VAT1: variants seen among roughly 807,000 people sequenced by gnomAD.
VAT1 encodes NADPH-dependent quinone oxidoreductase VAT1.
A neutral mutation model predicts 33.3 loss-of-function variants in VAT1; 24 were observed. That is an observed-to-expected ratio of 0.72 (90% CI 0.52 to 1.01). The LOEUF (loss-of-function observed/expected upper bound fraction) is 1.01, where lower values mean the gene tolerates loss of function less well. Ranked by LOEUF, VAT1 falls within the 50% of genes least tolerant of loss-of-function variation. VAT1 has a pLI of 0.00. For synonymous variants in VAT1, 212 were observed against 225.0 expected (o/e 0.94, Z 0.52); for missense variants, 436 against 533.7 (o/e 0.82, Z 1.80).
At chr17:43,016,787 G>A (rs561048629) in intron 4 of VAT1, among the ~76,000 whole-genome samples, 1 of 152,108 alleles carries the variant, frequency 6.6e-6, no homozygotes, top group African/African-American at 2.4e-5. Flanking sequence ...GGAAGCCAAG[G>A]TGGGGGGATC....
Position 43,017,903 on chromosome 17 carries a change from C to T in VAT1, c.794G>A (p.Gly265Asp), listed in dbSNP as rs1263931198. 6.2e-7 allele frequency: 1 copy of T among 1,614,100 alleles called. No homozygotes were observed. The highest frequency in any genetic ancestry group is 8.5e-7 in the Non-Finnish European group (1 of 1,180,050). ...GTAGCCCTTGGCAGTATCTGACCCA[C>T]CCAGAGGGTCCATGACAATGTCCAC... Reference protein sequence around the residue: ...KGVDIVMDPLGGSDTAKGYNL... With the variant: ...KGVDIVMDPLDGSDTAKGYNL... Residue 265 changes from glycine to aspartate, a missense_variant, in exon 4 of 6, where the codon GGT becomes GAT. By Grantham distance (94) the Gly-to-Asp change is moderately conservative (BLOSUM62 -1). Transcript: ENST00000355653.
Position 43,018,102 on chromosome 17 carries a change from C to A in VAT1, c.700G>T (p.Val234Phe). ...GTGTGATAGTCGATGGGATGTGTGA[C>A]CCCATTCTCCTTCAGTGCCTCGTGC... The part of the protein sequence containing the change: ...SKHEALKENG[V>F]THPIDYHTTD... Residue 234 changes from valine to phenylalanine, a missense_variant, in exon 3 of 6, where the codon GTC becomes TTC. By Grantham distance (50) the Val-to-Phe change is conservative. This residue lies in a region of VAT1 where 282 missense variants were observed against 405.4 expected (regional missense o/e 0.70). Transcript: ENST00000355653. 2 of 1,614,090 alleles carry A rather than the reference C, an allele frequency of 1.2e-6. No individual in the cohort carries two copies. Among genetic ancestry groups the A allele is most frequent in the African/African-American group, 1.3e-5 (1 of 74,996 alleles).
At position 43,022,020 on chromosome 17, in the gene VAT1, G is replaced by A. The variant is rs1255262637; in HGVS notation, c.303C>T (p.Asp101=). 5 of 1,607,368 alleles carry A rather than the reference G, an allele frequency of 3.1e-6. No individual in the cohort carries two copies. Among genetic ancestry groups the A allele is most frequent in the Non-Finnish European group, 4.2e-6 (5 of 1,178,514 alleles). The change falls in exon 1 of 6, where the codon GAC becomes GAT. Residue 101 remains aspartate (D), a synonymous_variant. Coordinates refer to ENST00000355653, the MANE Select transcript of VAT1 (RefSeq NM_006373.4). ...ADLMARQGLY[D]RLPPLPVTPG... is the part of the protein sequence containing the mutation. The stretch of plus-strand genomic sequence containing the variant: ...GAGTGACAGGCAGAGGCGGGAGACG[G>A]TCGTACAGCCCCTGCCTAGCCATGA...
rs374352088 is a variant in VAT1 at position 43,022,158 on chromosome 17, G to A, written c.165C>T (p.Gly55=). The change falls in exon 1 of 6, where the codon GGC becomes GGT. Residue 55 remains glycine (G), a synonymous_variant. Transcript: ENST00000355653. ...GCTTCACCTTGTCGTAGCCTCCAAA[G>A]CCGGTGAGCACTAGGCAGCGCAGCA... The part of the protein sequence containing the change: ...PPLLRCLVLT[G]FGGYDKVKLQ... The A allele has an allele frequency of 4.0e-3, 6,177 of 1,559,202 alleles. 29 individuals are homozygous for A. Among genetic ancestry groups the A allele is most frequent in the Non-Finnish European group, 3.7e-3 (4,281 of 1,151,436 alleles).
Position 43,017,860 on chromosome 17 carries a change from C to T in VAT1, c.837G>A (p.Met279Ile). 1 of 1,614,178 alleles carries T rather than the reference C, an allele frequency of 6.2e-7. No individual in the cohort carries two copies. The highest frequency in any genetic ancestry group is 8.5e-7 in the Non-Finnish European group (1 of 1,180,032). The stretch of plus-strand genomic sequence containing the variant: ...ACTCACCATAGGTGACGACTTTGCC[C>T]ATGGGTTTCAGGAGGTTGTAGCCCT... ...TAKGYNLLKP[M>I]GKVVTYGMAN... The change falls in exon 4 of 6, where the codon ATG becomes ATA. Residue 279 changes from methionine to isoleucine, a missense_variant. Transcript: ENST00000355653.
Position 43,016,316 on chromosome 17 carries a change from G to A in VAT1, c.1089C>T (p.Pro363=), listed in dbSNP as rs2050519856. The change falls in exon 5 of 6, where the codon CCC becomes CCT. Residue 363 remains proline (P), a synonymous_variant. Coordinates refer to ENST00000355653, the MANE Select transcript of VAT1 (RefSeq NM_006373.4). The part of the protein sequence containing the change: ...HIKPHIDSVW[P]FEKVADAMKQ... The stretch of plus-strand genomic sequence containing the variant: ...AAGTCCTCACATTCACCTTCTCGAA[G>A]GGCCAGACTGAGTCAATGTGGGGCT... 6.2e-7 allele frequency: 1 copy of A among 1,608,888 alleles called. No individual in the cohort carries two copies. The highest frequency in any genetic ancestry group is 8.5e-7 in the Non-Finnish European group (1 of 1,179,772).
In VAT1 at chr17:43,015,808, G is replaced by A. The variant is rs2050515619; in HGVS notation, c.*253C>T. The A allele has an allele frequency of 1.2e-5, 7 of 562,846 alleles. No homozygotes were observed. The highest frequency in any genetic ancestry group is 1.9e-5 in the Non-Finnish European group (6 of 315,726). 34.9% of individuals were successfully genotyped at this position (562,846 alleles called of 1,614,324 possible). A position where few individuals can be genotyped will look rare whatever the true frequency, so the allele number is the denominator to read the frequency against. On this transcript the variant is annotated 3_prime_UTR_variant, in exon 6 of 6. Coordinates refer to ENST00000355653, the MANE Select transcript of VAT1 (RefSeq NM_006373.4). Reference sequence around the variant, plus strand: ...CAGGCCCGGGGAAAGGGTGGGGGCAGGAAGCAGCCGGCCTCCCTCTGACCC... The same window carrying A: ...CAGGCCCGGGGAAAGGGTGGGGGCAAGAAGCAGCCGGCCTCCCTCTGACCC...
Position 43,016,493 on chromosome 17 carries a change from T to A in VAT1, c.912A>T (p.Thr304=), listed in dbSNP as rs1233207871. Reference sequence around the variant, plus strand: ...CTGTCACGCTGAACTGATTCCACCATGTCCGGGCCAGGGCCATCAGGTTCC... The same window carrying A: ...CTGTCACGCTGAACTGATTCCACCAAGTCCGGGCCAGGGCCATCAGGTTCC... ...PKRNLMALAR[T]WWNQFSVTAL... is the part of the protein sequence containing the mutation. Residue 304 remains threonine (T), a synonymous_variant, in exon 5 of 6, where the codon ACA becomes ACT. Coordinates refer to ENST00000355653, the MANE Select transcript of VAT1 (RefSeq NM_006373.4). 3 of 1,614,126 alleles carry A rather than the reference T, an allele frequency of 1.9e-6. No individual in the cohort carries two copies. The highest frequency in any genetic ancestry group is 2.5e-6 in the Non-Finnish European group (3 of 1,180,032).
chr17:43,021,906 G>T, intron 1 of VAT1, 30 bp downstream of exon 1: 1 of 1,608,214 alleles, frequency 6.2e-7, no homozygotes, highest in Non-Finnish European at 8.5e-7. Context: ...GGCCTGCGCA[G>T]CCCTGCCCTG....
intron 1 of VAT1, 79 bp downstream of exon 1, chr17:43,021,857 C>T: frequency 6.4e-7 from 1 of 1,553,858 alleles, no homozygotes; most frequent in Non-Finnish European, 8.7e-7. Context: ...CGCCCTGCCA[C>T]ACCCCCGGCG....
At chr17:43,020,742 G>A (rs1416660482) in intron 1 of VAT1, among the ~76,000 whole-genome samples, 1 of 151,978 alleles carries the variant, frequency 6.6e-6, no homozygotes, top group Middle Eastern at 3.4e-3. Context: ...AGGCATGGTG[G>A]CGCATGCCTG....
rs1321356790 is a variant in VAT1, at chr17:43,020,887, A to G, written c.387+1049T>C. On this transcript the variant is annotated intron_variant, in intron 1 of 5. Transcript: ENST00000355653. ...CGAAACTCCGTCTAAAAAAAAAAAA[A>G]AAAAAAAAGAAAAAGAAAAAAAAAA... Among the ~76,000 whole-genome samples, 7 of 151,276 alleles carry G rather than the reference A, an allele frequency of 4.6e-5. 1 individual carries two copies. The highest frequency in any genetic ancestry group is 1.7e-4 in the African/African-American group (7 of 41,226).
In VAT1 at chr17:43,015,974, AGGCTGAAATGCAAGTCTGGT is replaced by A; in HGVS notation, c.*67_*86del. The A allele has an allele frequency of 6.9e-7, 1 of 1,450,806 alleles. No homozygotes were observed. Among genetic ancestry groups the A allele is most frequent in the Non-Finnish European group, 9.6e-7 (1 of 1,040,748 alleles). 89.9% of individuals were successfully genotyped at this position (1,450,806 alleles called of 1,614,324 possible). ...GAGGGAGGGCAGAGCATTATGACAG[AGGCTGAAATGCAAGTCTGGT>A]GGCCAACAGAACGTAGCTTCCCAAC... is the stretch of plus-strand genomic sequence containing the variant. On this transcript the variant is annotated 3_prime_UTR_variant, in exon 6 of 6. Transcript: ENST00000355653.
intron 1 of VAT1, chr17:43,019,429 C>G (rs1321376123): frequency 6.6e-6 from 1 of 152,600 alleles, no homozygotes; most frequent in Non-Finnish European, 1.5e-5. Context: ...CAAAAGAAGA[C>G]GGCACTGTGT....
At position 43,015,945 on chromosome 17, in the gene VAT1, G is replaced by A. The variant is rs1256473126; in HGVS notation, c.*116C>T. Reference sequence around the variant, plus strand: ...AGCGGTCATCACCACAGAGACCTTCGGGGGAGGGAGGGCAGAGCATTATGA... The same window carrying A: ...AGCGGTCATCACCACAGAGACCTTCAGGGGAGGGAGGGCAGAGCATTATGA... On this transcript the variant is annotated 3_prime_UTR_variant, in exon 6 of 6. Coordinates refer to ENST00000355653, the MANE Select transcript of VAT1 (RefSeq NM_006373.4). The A allele has an allele frequency of 1.5e-5, 18 of 1,206,004 alleles. No homozygotes were observed. Among genetic ancestry groups the A allele is most frequent in the Admixed American group, 3.8e-5 (2 of 53,056 alleles). 74.7% of individuals were successfully genotyped at this position (1,206,004 alleles called of 1,614,324 possible). A position where few individuals can be genotyped will look rare whatever the true frequency, so the allele number is the denominator to read the frequency against.
chr17:43,017,656 A>C (rs1221926356), intron 4 of VAT1, among the ~76,000 whole-genome samples, 185 bp downstream of exon 4: 1 of 152,046 alleles, frequency 6.6e-6, no homozygotes, highest in Non-Finnish European at 1.5e-5. Flanking sequence ...GAGAATGAAA[A>C]GAGCTGGTAC....
chr17:43,020,901 AG>A (rs1318278683), intron 1 of VAT1, among the ~76,000 whole-genome samples: 1 of 151,326 alleles, frequency 6.6e-6, no homozygotes, highest in African/African-American at 2.4e-5. Flanking sequence ...AAAAAGAAAA[AG>A]AAAAAAAAAA....
Position 43,014,774 on chromosome 17 carries a change from C to T in VAT1, c.*1287G>A, listed in dbSNP as rs1176118508. ...CATTGCAATGGTTGGGGCAATAACC[C>T]TCCCTAATCCTAGCTCAGTGAGTAG... On this transcript the variant is annotated 3_prime_UTR_variant, in exon 6 of 6. Transcript: ENST00000355653. 1 of 154,258 alleles carries T rather than the reference C, an allele frequency of 6.5e-6. No individual in the cohort carries two copies. Among genetic ancestry groups the T allele is most frequent in the Non-Finnish European group, 1.4e-5 (1 of 69,130 alleles). The allele number at this position is 154,258 out of a possible 1,614,324, so 9.6% of individuals were successfully genotyped here. A position where few individuals can be genotyped will look rare whatever the true frequency, so the allele number is the denominator to read the frequency against.
chr17:43,017,233 G>A (rs1384612046), intron 4 of VAT1, among the ~76,000 whole-genome samples: 1 of 149,570 alleles, frequency 6.7e-6, no homozygotes, highest in East Asian at 2.0e-4. Context: ...AAGATGCTCA[G>A]GGAGGTAGGA....
Sources: gnomAD v4.1 joint callset for allele counts (sites outside exome capture counted in the v4.1 genomes callset) on GRCh38, gnomAD v4.1.1 for gene constraint, gnomAD v4.1.1 regional missense constraint, MANE v1.5 for transcripts, NCBI Gene and HGNC (gene_info 2026-07-23, HGNC 2026-07-21) for gene names.